SCRN3: variants seen among roughly 807,000 people sequenced by gnomAD.
SCRN3 encodes secernin 3, also known as secernin-3.
A neutral mutation model predicts 43.1 loss-of-function variants in SCRN3; 39 were observed. That is an observed-to-expected ratio of 0.91 (90% CI 0.70 to 1.18). The LOEUF is 1.18. SCRN3 is among the 50% of genes most tolerant of loss of function. SCRN3 has a pLI of 0.00. For synonymous variants in SCRN3, 147 were observed against 163.1 expected (o/e 0.90, Z 0.75); for missense variants, 484 against 498.0 (o/e 0.97, Z 0.27).
Position 174,427,710 on chromosome 2 carries a change from T to G in SCRN3, c.1093-3T>G. ...GTTTATCTTTATATTTTTAATTGTT[T>G]AGGAAAAAGCCAAAATAATGTTGGA... On this transcript the variant is annotated splice_region_variant and splice_polypyrimidine_tract_variant and intron_variant, in intron 7 of 7. Coordinates refer to ENST00000272732, the MANE Select transcript of SCRN3 (RefSeq NM_024583.5). 6.3e-7 allele frequency: 1 copy of G among 1,585,984 alleles called. No individual in the cohort carries two copies. The highest frequency in any genetic ancestry group is 8.6e-7 in the Non-Finnish European group (1 of 1,163,642).
chr2:174,429,597 G>A (rs1262898492), downstream of SCRN3: 1 of 152,130 alleles, frequency 6.6e-6, no homozygotes, highest in East Asian at 1.9e-4. Flanking sequence ...TGGTACATTT[G>A]TTAGAATCAA....
intron 4 of SCRN3, 135 bp from the exon 5 acceptor site, chr2:174,403,968 A>G: frequency 1.6e-6 from 1 of 608,124 alleles, no homozygotes; most frequent in Non-Finnish European, 2.9e-6. Flanking sequence ...TGAATATGTA[A>G]TAGATGCCCA....
Position 174,427,913 on chromosome 2 carries a change from A to G in SCRN3, c.*18A>G. 1 of 1,499,924 alleles carries G rather than the reference A, an allele frequency of 6.7e-7. No individual in the cohort carries two copies. The highest frequency in any genetic ancestry group is 9.2e-7 in the Non-Finnish European group (1 of 1,083,390). 92.9% of individuals were successfully genotyped at this position (1,499,924 alleles called of 1,614,324 possible). ...GTTCTTAGTGATCATATGGTCAGCTAATATTAGTTCTTAGTGATCAGTGGT... is the reference window on the plus strand; with the variant it reads ...GTTCTTAGTGATCATATGGTCAGCTGATATTAGTTCTTAGTGATCAGTGGT... On this transcript the variant is annotated 3_prime_UTR_variant, in exon 8 of 8. Coordinates refer to ENST00000272732, the MANE Select transcript of SCRN3 (RefSeq NM_024583.5).
In SCRN3 at chr2:174,395,779, C is replaced by T; in HGVS notation, c.-48C>T. 1 of 1,565,640 alleles carries T rather than the reference C, an allele frequency of 6.4e-7. No individual in the cohort carries two copies. Among genetic ancestry groups the T allele is most frequent in the Non-Finnish European group, 8.7e-7 (1 of 1,154,228 alleles). ...CTGATGCCTCCACTGGCCACTCCTC[C>T]CTCCGTCCACCTGTCACTTCGGGTA... On this transcript the variant is annotated 5_prime_UTR_variant, in exon 1 of 8. Coordinates refer to ENST00000272732, the MANE Select transcript of SCRN3 (RefSeq NM_024583.5).
intron 1 of SCRN3, chr2:174,396,170 A>G: frequency 1.2e-6 from 1 of 828,638 alleles, no homozygotes; most frequent in Non-Finnish European, 1.5e-6. Flanking sequence ...GAGCGCGTGA[A>G]ATAGAATGAC....
chr2:174,403,339 A>G (rs554831565), intron 4 of SCRN3, among the ~76,000 whole-genome samples: 1 of 152,198 alleles, frequency 6.6e-6, no homozygotes, highest in Admixed American at 6.5e-5. Flanking sequence ...CTACCATACA[A>G]CTTAGCAACT....
At chr2:174,417,137 G>A (rs977968078) in intron 5 of SCRN3, among the ~76,000 whole-genome samples, 5 of 152,102 alleles carry the variant, frequency 3.3e-5, no homozygotes, top group South Asian at 4.1e-4. Flanking sequence ...TAGACTTATT[G>A]TAAAAGGAGA....
chr2:174,398,247 T>A, intron 1 of SCRN3, 28 bp from the exon 2 acceptor site: 1 of 1,427,158 alleles, frequency 7.0e-7, no homozygotes, highest in Non-Finnish European at 9.5e-7. Flanking sequence ...GTGTTCTTTT[T>A]ATTTTAAAAC....
At chr2:174,429,665 T>C (rs1181864054), downstream of SCRN3, 9 of 152,210 alleles carry the variant, frequency 5.9e-5, no homozygotes, top group Non-Finnish European at 1.3e-4. Context: ...GAGATCACTC[T>C]TGATGTAGTA....
Sources: gnomAD v4.1 joint callset for allele counts (sites outside exome capture counted in the v4.1 genomes callset) on GRCh38, gnomAD v4.1.1 for gene constraint, MANE v1.5 for transcripts, NCBI Gene and HGNC (gene_info 2026-07-23, HGNC 2026-07-21) for gene names.